The following ADGRG6 variants were observed in gnomAD, a reference collection of about 807,000 sequenced individuals.
The protein encoded by ADGRG6 is G-protein coupled receptor 126.
A neutral mutation model predicts 142.4 loss-of-function variants in ADGRG6; 84 were observed. The ratio of observed to expected loss-of-function variants is 0.59; its 90% CI spans 0.49 to 0.71. The LOEUF is 0.71. Ranked by LOEUF, ADGRG6 falls within the 30% of genes least tolerant of loss-of-function variation. The pLI is 0.00. For missense variants in ADGRG6, 1,367 were observed against 1,466.6 expected (o/e 0.93, Z 1.11); for synonymous variants, 521 against 520.5 (o/e 1.00, Z -0.01).
rs1286933132 is a variant in ADGRG6, at chr6:142,443,764, G to A, written c.*249G>A. On this transcript the variant is annotated 3_prime_UTR_variant, in exon 25 of 25. Coordinates refer to ENST00000367609, the MANE Select transcript of ADGRG6 (RefSeq NM_198569.3). ...TCAGTAGCCACAGAAGCTATGATTT[G>A]TAAAATATATAATTGAATCAGAGTA... is the stretch of plus-strand genomic sequence containing the variant. 3 of 340,024 alleles carry A rather than the reference G, an allele frequency of 8.8e-6. No individual in the cohort carries two copies. The highest frequency in any genetic ancestry group is 6.4e-5 in the African/African-American group (3 of 46,516). 21.1% of individuals were successfully genotyped at this position (340,024 alleles called of 1,614,324 possible). A position where few individuals can be genotyped will look rare whatever the true frequency, so the allele number is the denominator to read the frequency against.
intron 2 of ADGRG6, among the ~76,000 whole-genome samples, chr6:142,342,701 A>G (rs1779715962): frequency 6.6e-6 from 1 of 152,110 alleles, no homozygotes; most frequent in Admixed American, 6.6e-5. Flanking sequence ...TTAAAAAATT[A>G]CCAAAAGTAC....
chr6:142,359,205 A>T lies in ADGRG6; in HGVS notation c.104-8364A>T, dbSNP rs866513262. Among the ~76,000 whole-genome samples the T allele has an allele frequency of 5.7e-3, 709 of 124,986 alleles. 3 individuals carry two copies. Among genetic ancestry groups the T allele is most frequent in the African/African-American group, 0.026 (667 of 25,826 alleles). 82.0% of individuals were successfully genotyped at this position (124,986 alleles called of 152,430 possible). On this transcript the variant is annotated intron_variant, in intron 2 of 24. Transcript: ENST00000367609. ...CTGGGAGACAGAGCAAGACCCTATA[A>T]AAAAAAAAAAAAAAAAAAAAAGTGC... is the stretch of plus-strand genomic sequence containing the variant.
chr6:142,383,392 A>G (rs1013736007), intron 5 of ADGRG6, among the ~76,000 whole-genome samples: 3 of 152,154 alleles, frequency 2.0e-5, no homozygotes, highest in African/African-American at 7.2e-5. Context: ...GCTGCTTTCT[A>G]TAACTTTTTC....
chr6:142,352,627 A>C lies in ADGRG6; in HGVS notation c.104-14942A>C, dbSNP rs532999838. ...ACCTAAAATAAAAGTAGAAAAAATT[A>C]TCTTGTAATATTAACATATATATTT... On this transcript the variant is annotated intron_variant, in intron 2 of 24. Transcript: ENST00000367609. Among the ~76,000 whole-genome samples, 29 of 152,300 alleles carry C rather than the reference A, an allele frequency of 1.9e-4. No homozygotes were observed. The South Asian group carries it at 3.3e-3, about 17-fold the overall frequency.
intron 6 of ADGRG6, among the ~76,000 whole-genome samples, chr6:142,388,093 G>T (rs1782121053): frequency 6.6e-6 from 1 of 152,116 alleles, no homozygotes; most frequent in Admixed American, 6.5e-5. Context: ...TTCCTCCAAT[G>T]GCAATGTTGA....
chr6:142,345,643 TG>T (rs1411124879), intron 2 of ADGRG6, among the ~76,000 whole-genome samples: 1 of 152,174 alleles, frequency 6.6e-6, no homozygotes, highest in African/African-American at 2.4e-5. Flanking sequence ...CCCTGCAAGA[TG>T]TTTTTATGAT....
intron 4 of ADGRG6, among the ~76,000 whole-genome samples, chr6:142,381,213 C>T (rs2114926379): frequency 6.6e-6 from 1 of 152,068 alleles, no homozygotes; most frequent in African/African-American, 2.4e-5. Flanking sequence ...TATAAATGTC[C>T]CTTAAAATAT....
chr6:142,310,746 T>A (rs1733486223), intron 2 of ADGRG6, among the ~76,000 whole-genome samples: 1 of 151,862 alleles, frequency 6.6e-6, no homozygotes, highest in African/African-American at 2.4e-5. Flanking sequence ...GTGAATTTTG[T>A]GTGTGTGTTT....
At chr6:142,437,818 A>G (rs1171748389) in intron 23 of ADGRG6, among the ~76,000 whole-genome samples, 1 of 151,584 alleles carries the variant, frequency 6.6e-6, no homozygotes, top group Non-Finnish European at 1.5e-5. Context: ...CAGAGGTTCC[A>G]CTATACCAGA....
rs751261668 is a variant in ADGRG6, at chr6:142,437,453, C to A, written c.3339C>A (p.Phe1113Leu). 6.5e-7 allele frequency: 1 copy of A among 1,543,148 alleles called. No individual in the cohort carries two copies. The highest frequency in any genetic ancestry group is 1.4e-5 in the African/African-American group (1 of 73,548). Residue 1113 changes from phenylalanine to leucine, a missense_variant, in exon 23 of 25, where the codon TTC becomes TTA. Around this residue, in one of 3 missense-constraint regions of ADGRG6, gnomAD observed 344 missense variants for 348.7 expected, o/e 0.99. Transcript: ENST00000367609. ...NSLQGLFIFI[F>L]HCAMKENVQK... ...TCACAGGCTTATTTATATTCATCTTCCACTGTGCTATGAAGGAGAATGTTC... is the reference window on the plus strand; with the variant it reads ...TCACAGGCTTATTTATATTCATCTTACACTGTGCTATGAAGGAGAATGTTC...
intron 1 of ADGRG6, among the ~76,000 whole-genome samples, chr6:142,306,024 G>T (rs1777477869): frequency 6.6e-6 from 1 of 152,132 alleles, no homozygotes; most frequent in Admixed American, 6.5e-5. Context: ...GAAGAATTAA[G>T]GTATTTTCTC....
intron 22 of ADGRG6, among the ~76,000 whole-genome samples, chr6:142,422,818 C>T (rs1280551353): frequency 2.2e-5 from 3 of 139,344 alleles, no homozygotes; most frequent in Non-Finnish European, 4.7e-5. Context: ...ACATCCTCTC[C>T]AGCACCTGTT....
chr6:142,338,951 A>G (rs1044031339), intron 2 of ADGRG6, among the ~76,000 whole-genome samples: 2 of 152,174 alleles, frequency 1.3e-5, no homozygotes, highest in Admixed American at 6.5e-5. Flanking sequence ...CCTTACCTAC[A>G]CAAACACACT....
At chr6:142,382,515 A>G (rs74511744) in intron 5 of ADGRG6, among the ~76,000 whole-genome samples, 2 of 152,336 alleles carry the variant, frequency 1.3e-5, no homozygotes, top group East Asian at 3.9e-4. Context: ...ATGTTAATGT[A>G]ACTGTGTTAA....
At chr6:142,408,301 G>T in intron 16 of ADGRG6, 32 bp downstream of exon 16, 1 of 1,514,492 alleles carries the variant, frequency 6.6e-7, no homozygotes, top group Non-Finnish European at 8.9e-7. Flanking sequence ...CATTTGGACA[G>T]AAGTGGACTA....
rs201905626 is a variant in ADGRG6 at position 142,390,331 on chromosome 6, G to A, written c.1296G>A (p.Lys432=). The A allele has an allele frequency of 1.3e-6, 2 of 1,591,962 alleles. No individual in the cohort carries two copies. Among genetic ancestry groups the A allele is most frequent in the Non-Finnish European group, 1.7e-6 (2 of 1,163,082 alleles). Residue 432 remains lysine, a synonymous_variant, in exon 7 of 25, where the codon AAG becomes AAA. Transcript: ENST00000367609. ...LRHPEVKVQS[K]VAEWLNSTFQ... ...ACCCTGAGGTAAAAGTACAGAGCAA[G>A]GTGGCAGAATGGGTAAGTGAGCTTG...
chr6:142,350,317 C>T (rs1297753921), intron 2 of ADGRG6, among the ~76,000 whole-genome samples: 3 of 152,158 alleles, frequency 2.0e-5, no homozygotes, highest in Admixed American at 6.5e-5. Flanking sequence ...TTTTAATTAG[C>T]GGTGTCCTCT....
Position 142,402,766 on chromosome 6 carries a change from C to A in ADGRG6, c.1891C>A (p.Leu631Ile), listed in dbSNP as rs1775590670. ...CATTGATATAACACTTGGCTCAACT[C>A]TAATGAATATATTTTCTAATATCTT... Reference protein sequence around the residue: ...ENIDITLGSTLMNIFSNILSS... With the variant: ...ENIDITLGSTIMNIFSNILSS... Residue 631 changes from leucine to isoleucine, a missense_variant, in exon 13 of 25, where the codon CTA (leucine) becomes ATA (isoleucine). Leu to Ile is a conservative substitution (Grantham distance 5). Around this residue, in one of 3 missense-constraint regions of ADGRG6, gnomAD observed 737 missense variants for 746.5 expected, o/e 0.99. Coordinates refer to ENST00000367609, the MANE Select transcript of ADGRG6 (RefSeq NM_198569.3). 6.2e-7 allele frequency: 1 copy of A among 1,600,542 alleles called. No individual in the cohort carries two copies. The highest frequency in any genetic ancestry group is 1.1e-5 in the South Asian group (1 of 90,622).
intron 2 of ADGRG6, among the ~76,000 whole-genome samples, chr6:142,359,984 C>G (rs1170407434): frequency 6.6e-6 from 1 of 152,068 alleles, no homozygotes; most frequent in African/African-American, 2.4e-5. Flanking sequence ...GACAAGGAGA[C>G]CAAACTTTTA....
Sources: allele counts gnomAD v4.1 joint callset (sites outside exome capture counted in the v4.1 genomes callset), GRCh38; gene constraint gnomAD v4.1.1; regional missense constraint gnomAD v4.1.1; transcripts MANE v1.5; gene names NCBI Gene and HGNC (gene_info 2026-07-23, HGNC 2026-07-21).